The following HTR3B variants were observed in gnomAD, a reference collection of about 807,000 sequenced individuals.
HTR3B encodes 5-hydroxytryptamine (serotonin) receptor 3B, ionotropic.
HTR3B carries 44 observed loss-of-function variants against 42.8 expected under a neutral mutation model. The ratio of observed to expected loss-of-function variants is 1.03; its 90% CI spans 0.81 to 1.32. The LOEUF (loss-of-function observed/expected upper bound fraction) is 1.32. HTR3B is among the 40% of genes most tolerant of loss of function. The pLI is 0.00. For missense variants in HTR3B, 527 were observed against 536.5 expected (o/e 0.98, Z 0.17); for synonymous variants, 203 against 209.0 (o/e 0.97, Z 0.25).
At chr11:113,931,651 C>T in intron 3 of HTR3B, 107 bp from the exon 4 acceptor site, 2 of 759,620 alleles carry the variant, frequency 2.6e-6, no homozygotes, top group Admixed American at 2.2e-5. Flanking sequence ...ACAGGTAGAA[C>T]CAAGAGGCTG....
rs75746006 is a variant in HTR3B, at chr11:113,930,470, G to GT, written c.214-905dup. Among the ~76,000 whole-genome samples, 874 of 141,676 alleles carry GT rather than the reference G, an allele frequency of 6.2e-3. 11 individuals carry two copies. Among genetic ancestry groups the GT allele is most frequent in the African/African-American group, 0.022 (839 of 38,300 alleles). 92.9% of individuals were successfully genotyped at this position (141,676 alleles called of 152,430 possible). ...GATATGAAAAAAATTGGTGAGGAGGGTTTTTTTTTCTTTTCTCTTTTTTTT... is the reference window on the plus strand; with the variant it reads ...GATATGAAAAAAATTGGTGAGGAGGGTTTTTTTTTTCTTTTCTCTTTTTTTT... On this transcript the variant is annotated intron_variant, in intron 2 of 8. Transcript: ENST00000260191.
At chr11:113,908,677 A>T (rs1464425463) in intron 1 of HTR3B, among the ~76,000 whole-genome samples, 1 of 152,190 alleles carries the variant, frequency 6.6e-6, no homozygotes, top group Non-Finnish European at 1.5e-5. Context: ...TGTTCCCTGG[A>T]ACCAGAGAGA....
intron 2 of HTR3B, among the ~76,000 whole-genome samples, chr11:113,918,639 T>TA (rs397951115): frequency 4.0e-5 from 6 of 150,340 alleles, no homozygotes; most frequent in Non-Finnish European, 5.9e-5. Context: ...TTTTTTTTTT[T>TA]AAACCAGTAT....
intron 2 of HTR3B, among the ~76,000 whole-genome samples, chr11:113,910,319 A>T (rs1227937646): frequency 6.6e-6 from 1 of 152,196 alleles, no homozygotes; most frequent in African/African-American, 2.4e-5. Context: ...TAGTTGGCAG[A>T]GTTCTTAGGA....
At chr11:113,907,376 T>C (rs1034584290) in intron 1 of HTR3B, among the ~76,000 whole-genome samples, 30 of 152,196 alleles carry the variant, frequency 2.0e-4, no homozygotes, top group African/African-American at 7.2e-4. Context: ...TAATTAATGG[T>C]CACTTAAATC....
chr11:113,911,829 A>G (rs1351436325), intron 2 of HTR3B, among the ~76,000 whole-genome samples: 1 of 152,058 alleles, frequency 6.6e-6, no homozygotes, highest in Non-Finnish European at 1.5e-5. Flanking sequence ...GTGCCCGGCC[A>G]TATAACCCAT....
intron 6 of HTR3B, among the ~76,000 whole-genome samples, chr11:113,942,669 CTGAG>C (rs1950145118): frequency 6.6e-6 from 1 of 152,134 alleles, no homozygotes; most frequent in Non-Finnish European, 1.5e-5. Context: ...GTTGTGAAGA[CTGAG>C]TAAGTTAAGT....
At chr11:113,909,200 C>A (rs1023323830) in intron 1 of HTR3B, 95 bp from the exon 2 acceptor site, 11 of 942,198 alleles carry the variant, frequency 1.2e-5, no homozygotes, top group African/African-American at 3.3e-5. Flanking sequence ...AAGCTATATT[C>A]TAGTAAAAGC....
chr11:113,904,772 G>T (rs1449326489), upstream of HTR3B: 9 of 612,098 alleles, frequency 1.5e-5, no homozygotes, highest in Non-Finnish European at 2.7e-5. Context: ...TATTGCCTTT[G>T]GTCCCACTGA....
In HTR3B at chr11:113,931,826, T is replaced by C; in HGVS notation, c.327T>C (p.Pro109=). The change falls in exon 4 of 9, where the codon CCT becomes CCC. Residue 109 remains proline (P), a synonymous_variant. Coordinates refer to ENST00000260191, the MANE Select transcript of HTR3B (RefSeq NM_006028.5). ...ATGAGATTAGAGAGATCTCCCTACCTCTAAGTGCCATCTGGGCCCCCGATA... is the reference window on the plus strand; with the variant it reads ...ATGAGATTAGAGAGATCTCCCTACCCCTAAGTGCCATCTGGGCCCCCGATA... The part of the protein sequence containing the change: ...MFDEIREISL[P]LSAIWAPDII... The C allele has an allele frequency of 6.2e-7, 1 of 1,610,932 alleles. No homozygotes were observed. The highest frequency in any genetic ancestry group is 2.2e-5 in the East Asian group (1 of 44,866).
At chr11:113,943,310 G>A (rs12288145) in intron 7 of HTR3B, 118 bp downstream of exon 7, 30,895 of 807,448 alleles carry the variant, frequency 0.038, 709 homozygotes, top group Middle Eastern at 0.07. Flanking sequence ...GCCAAGGTGG[G>A]AGGACCACTT....
intron 2 of HTR3B, among the ~76,000 whole-genome samples, chr11:113,927,895 A>C (rs1401549074): frequency 6.6e-6 from 1 of 152,148 alleles, no homozygotes; most frequent in Non-Finnish European, 1.5e-5. Context: ...ATTTAATTTT[A>C]AGTTCCAGGA....
the HTR3B span, among the ~76,000 whole-genome samples, chr11:113,898,956 C>T: frequency 2.0e-5 from 3 of 151,942 alleles, no homozygotes; most frequent in African/African-American, 7.3e-5. Flanking sequence ...TTAATGCAGC[C>T]GTAGAAAACT....
chr11:113,921,187 C>T lies in HTR3B; in HGVS notation c.214-10197C>T, dbSNP rs2137504567. Among the ~76,000 whole-genome samples the T allele has an allele frequency of 1.3e-5, 2 of 151,336 alleles. 1 individual carries two copies. Among genetic ancestry groups the T allele is most frequent in the South Asian group, 4.2e-4 (2 of 4,786 alleles). On this transcript the variant is annotated intron_variant, in intron 2 of 8. Transcript: ENST00000260191. Reference sequence around the variant, plus strand: ...TTTGAGTCAGAGTCTCACTCTGTCACCAGGGTGGAGTGCAGTGGCACGATC... The same window carrying T: ...TTTGAGTCAGAGTCTCACTCTGTCATCAGGGTGGAGTGCAGTGGCACGATC...
intron 2 of HTR3B, among the ~76,000 whole-genome samples, chr11:113,914,290 C>G (rs541013865): frequency 8.6e-5 from 13 of 151,528 alleles, no homozygotes; most frequent in African/African-American, 2.9e-4. Flanking sequence ...CGTGGAGAAA[C>G]CCCGTCTCTA....
intron 2 of HTR3B, among the ~76,000 whole-genome samples, chr11:113,925,262 A>G (rs1328349031): frequency 1.3e-5 from 2 of 152,124 alleles, no homozygotes; most frequent in Non-Finnish European, 2.9e-5. Flanking sequence ...TGGGGAGGAA[A>G]CGAGAGCTGT....
At chr11:113,944,240 G>A (rs181273729) in intron 7 of HTR3B, among the ~76,000 whole-genome samples, 11 of 152,128 alleles carry the variant, frequency 7.2e-5, no homozygotes, top group South Asian at 4.1e-4. Context: ...GGATGGTCTC[G>A]ATCTCCTGAC....
chr11:113,902,259 C>T (rs770967450), upstream of HTR3B, among the ~76,000 whole-genome samples: 9 of 152,034 alleles, frequency 5.9e-5, no homozygotes, highest in African/African-American at 1.9e-4. Context: ...AATAAGTTAG[C>T]GACATGATCA....
chr11:113,908,381 A>AG (rs1949750314), intron 1 of HTR3B, among the ~76,000 whole-genome samples: 1 of 152,210 alleles, frequency 6.6e-6, no homozygotes, highest in South Asian at 2.1e-4. Context: ...CTGACAGCCC[A>AG]GGCAAATTCA....
Sources: allele counts gnomAD v4.1 joint callset (sites outside exome capture counted in the v4.1 genomes callset), GRCh38; gene constraint gnomAD v4.1.1; transcripts MANE v1.5; gene names NCBI Gene and HGNC (gene_info 2026-07-23, HGNC 2026-07-21).